UBASH3B: variants seen among roughly 807,000 people sequenced by gnomAD.
The protein encoded by UBASH3B is ubiquitin-associated and SH3 domain-containing protein B.
A neutral mutation model predicts 83.4 loss-of-function variants in UBASH3B; 37 were observed. The observed-to-expected ratio is 0.44, with a 90% confidence interval of 0.34 to 0.58. UBASH3B has a LOEUF of 0.58. Among genes scored for constraint, UBASH3B ranks in the 20% least tolerant of loss-of-function variants. The pLI is 0.01. For synonymous variants in UBASH3B, 304 were observed against 318.3 expected, an observed-to-expected ratio of 0.96 and a Z score of 0.48; for missense variants, 657 against 827.2, an observed-to-expected ratio of 0.79 and a Z score of 2.52.
At chr11:122,663,079 C>A (rs1287701136) in intron 1 of UBASH3B, among the ~76,000 whole-genome samples, 1 of 148,882 alleles carries the variant, frequency 6.7e-6, no homozygotes, top group Non-Finnish European at 1.5e-5. Context: ...CGTGTTCAAG[C>A]AATTCTCCTG....
chr11:122,744,959 G>A (rs1004846448), intron 1 of UBASH3B, among the ~76,000 whole-genome samples: 3 of 151,232 alleles, frequency 2.0e-5, no homozygotes, highest in African/African-American at 7.3e-5. Flanking sequence ...GGGCAGCTGA[G>A]GCAGAGGACT....
At chr11:122,770,617 C>T (rs1860626320) in intron 1 of UBASH3B, among the ~76,000 whole-genome samples, 1 of 152,158 alleles carries the variant, frequency 6.6e-6, no homozygotes, top group African/African-American at 2.4e-5. Context: ...AAAACGGCAG[C>T]TAACAAGACT....
At chr11:122,736,647 G>A (rs144497476) in intron 1 of UBASH3B, among the ~76,000 whole-genome samples, 175 of 152,028 alleles carry the variant, frequency 1.2e-3, no homozygotes, top group Middle Eastern at 0.01. Flanking sequence ...AGGCTAACAC[G>A]CACACATGAT....
intron 1 of UBASH3B, among the ~76,000 whole-genome samples, chr11:122,740,651 C>T (rs1177080470): frequency 1.3e-5 from 2 of 152,096 alleles, no homozygotes; most frequent in African/African-American, 4.8e-5. Context: ...ATAAACCATC[C>T]TGTACACTCC....
At position 122,777,226 on chromosome 11, in the gene UBASH3B, C is replaced by T. The variant is rs761298628; in HGVS notation, c.402+16C>T. 1 of 1,599,742 alleles carries T rather than the reference C, an allele frequency of 6.3e-7. No homozygotes were observed. Among genetic ancestry groups the T allele is most frequent in the South Asian group, 1.1e-5 (1 of 89,106 alleles). On this transcript the variant is annotated intron_variant, in intron 3 of 13. Transcript: ENST00000284273. ...GTTCTTTATGGTGAGCGGCAGCGCC[C>T]CCACCCCTGGGAAGCCTGGCTCCTA...
intron 1 of UBASH3B, among the ~76,000 whole-genome samples, chr11:122,730,555 G>A (rs1366961469): frequency 6.6e-6 from 1 of 151,260 alleles, no homozygotes; most frequent in Non-Finnish European, 1.5e-5. Context: ...AACTGAGCTT[G>A]CCTTCTCAGC....
At chr11:122,693,434 C>T (rs1863922746) in intron 1 of UBASH3B, among the ~76,000 whole-genome samples, 1 of 152,120 alleles carries the variant, frequency 6.6e-6, no homozygotes, top group South Asian at 2.1e-4. Flanking sequence ...GGGAAGATCA[C>T]ACACCTTAAG....
chr11:122,768,757 G>T (rs1860595492), intron 1 of UBASH3B, among the ~76,000 whole-genome samples: 1 of 152,042 alleles, frequency 6.6e-6, no homozygotes. Context: ...CACCTACCTT[G>T]GCCTCCCAAA....
rs1347877801 is a variant in UBASH3B, at chr11:122,802,295, CAG to C, written c.1595+966_1595+967del. Among the ~76,000 whole-genome samples, 6 of 114,772 alleles carry C rather than the reference CAG, an allele frequency of 5.2e-5. No individual in the cohort carries two copies. The East Asian group carries it at 1.1e-3, about 21-fold the overall frequency. 75.3% of individuals were successfully genotyped at this position (114,772 alleles called of 152,430 possible). On this transcript the variant is annotated intron_variant, in intron 11 of 13. Transcript: ENST00000284273. ...ATGCCACTGCACTCCAGCCTGGTGA[CAG>C]AGTGAGACTCTGTCTGAAAAAAAAA...
intron 1 of UBASH3B, among the ~76,000 whole-genome samples, chr11:122,739,561 C>A (rs757221108): frequency 2.0e-4 from 30 of 152,154 alleles, no homozygotes; most frequent in Non-Finnish European, 3.7e-4. Flanking sequence ...TGGTGGGTAT[C>A]CATGGTCGGG....
intron 1 of UBASH3B, among the ~76,000 whole-genome samples, chr11:122,664,131 C>A (rs1863483185): frequency 6.6e-6 from 1 of 152,164 alleles, no homozygotes; most frequent in Admixed American, 6.5e-5. Context: ...ATGCTTTCTC[C>A]CTGATAACTG....
intron 1 of UBASH3B, among the ~76,000 whole-genome samples, chr11:122,755,296 C>T (rs55968508): frequency 1.3e-5 from 2 of 152,262 alleles, no homozygotes; most frequent in East Asian, 3.9e-4. Context: ...CTCAGAGTCT[C>T]GGTTTCCCAC....
At chr11:122,668,016 C>T (rs1863543265) in intron 1 of UBASH3B, among the ~76,000 whole-genome samples, 1 of 152,100 alleles carries the variant, frequency 6.6e-6, no homozygotes, top group Non-Finnish European at 1.5e-5. Context: ...GATAGAATTT[C>T]ATTCTTGTTG....
At chr11:122,713,084 T>G (rs1337131262) in intron 1 of UBASH3B, among the ~76,000 whole-genome samples, 1 of 151,844 alleles carries the variant, frequency 6.6e-6, no homozygotes, top group East Asian at 1.9e-4. Context: ...ATTTTTTGTA[T>G]TTTTAGTAGA....
intron 1 of UBASH3B, among the ~76,000 whole-genome samples, chr11:122,770,942 A>G (rs1423501527): frequency 2.0e-5 from 3 of 152,316 alleles, no homozygotes; most frequent in Admixed American, 1.3e-4. Flanking sequence ...GTATCCTTCA[A>G]TGCAAGCAAA....
intron 1 of UBASH3B, among the ~76,000 whole-genome samples, chr11:122,754,663 T>C (rs80053330): frequency 0.05 from 7,645 of 152,292 alleles, 225 homozygotes; most frequent in Middle Eastern, 0.088. Context: ...AGGCTGTTCT[T>C]CATCATCAGC....
chr11:122,759,927 G>A lies in UBASH3B; in HGVS notation c.162-16292G>A, dbSNP rs1035874648. Among the ~76,000 whole-genome samples, 3 of 152,168 alleles carry A rather than the reference G, an allele frequency of 2.0e-5. No homozygotes were observed. Among genetic ancestry groups the A allele is most frequent in the Non-Finnish European group, 4.4e-5 (3 of 68,032 alleles). ...CATCACCTTTGCCATATAGAGGTAAGTCATAGGTCTCACCTACACTTGAGG... is the reference window on the plus strand; with the variant it reads ...CATCACCTTTGCCATATAGAGGTAAATCATAGGTCTCACCTACACTTGAGG... On this transcript the variant is annotated intron_variant, in intron 1 of 13. Transcript: ENST00000284273. The surrounding 1 kb of genome is among the most constrained non-coding windows in gnomAD (Gnocchi z 4.1).
chr11:122,706,120 C>CTT (rs60384458), intron 1 of UBASH3B, among the ~76,000 whole-genome samples: 3 of 107,684 alleles, frequency 2.8e-5, no homozygotes, highest in African/African-American at 7.1e-5. Context: ...TTTTTTTTTT[C>CTT]TTTTTTTTTT....
Position 122,793,077 on chromosome 11 carries a change from T to C in UBASH3B, c.981-1625T>C, listed in dbSNP as rs117098191. ...TATTATATTGGTGAATATAAAAAGG[T>C]ATTTTCAAAAATAAAATTATGGGCC... On this transcript the variant is annotated intron_variant, in intron 6 of 13. Coordinates refer to ENST00000284273, the MANE Select transcript of UBASH3B (RefSeq NM_032873.5). Among the ~76,000 whole-genome samples the C allele has an allele frequency of 2.3e-3, 348 of 152,172 alleles. 2 individuals carry two copies. The highest frequency in any genetic ancestry group is 3.1e-3 in the Non-Finnish European group (208 of 68,016).
Sources: allele counts gnomAD v4.1 joint callset (sites outside exome capture counted in the v4.1 genomes callset), GRCh38; gene constraint gnomAD v4.1.1; non-coding constraint Gnocchi (gnomAD v3.1); transcripts MANE v1.5; gene names NCBI Gene and HGNC (gene_info 2026-07-23, HGNC 2026-07-21).